Variants in NEDD4L observed in about 807,000 individuals in gnomAD.
The protein encoded by NEDD4L is E3 ubiquitin-protein ligase NEDD4-like.
A neutral mutation model predicts 148.9 loss-of-function variants in NEDD4L; 54 were observed. The ratio of observed to expected loss-of-function variants is 0.36; its 90% CI spans 0.29 to 0.45. NEDD4L has a LOEUF of 0.45. Among genes scored for constraint, NEDD4L ranks in the 20% least tolerant of loss-of-function variants. The pLI is 1.00. For synonymous variants in NEDD4L, 433 were observed against 440.7 expected, an observed-to-expected ratio of 0.98 and a Z score of 0.22; for missense variants, 856 against 1,233.8, an observed-to-expected ratio of 0.69 and a Z score of 4.59.
chr18:58,271,086 C>T (rs2050974812), intron 5 of NEDD4L, among the ~76,000 whole-genome samples: 2 of 147,358 alleles, frequency 1.4e-5, no homozygotes, highest in South Asian at 4.3e-4. Context: ...TAAATATTAG[C>T]TCTTATTATT....
intron 1 of NEDD4L, among the ~76,000 whole-genome samples, chr18:58,109,188 G>A (rs1212793275): frequency 6.6e-6 from 1 of 152,224 alleles, no homozygotes; most frequent in South Asian, 2.1e-4. Flanking sequence ...CCCTCATTGA[G>A]CTTCCAGGCA....
rs763159512 is a variant in NEDD4L, at chr18:58,366,053, G to C, written c.1888G>C (p.Glu630Gln). 1.9e-5 allele frequency: 31 copies of C among 1,613,238 alleles called. No homozygotes were observed. The highest frequency in any genetic ancestry group is 2.6e-5 in the Non-Finnish European group (31 of 1,179,542). ...ACTTCACAGAAATAACATATTTGAA[G>C]AGTCCTATCGGAGAATTATGTCCGT... is the stretch of plus-strand genomic sequence containing the variant. ...MKLHRNNIFEESYRRIMSVKR... is the reference protein window; with the variant it reads ...MKLHRNNIFEQSYRRIMSVKR... Residue 630 changes from glutamate to glutamine, a missense_variant, in exon 21 of 31, where the codon GAG (glutamate) becomes CAG (glutamine). Physicochemically the swap from Glu to Gln is conservative, Grantham distance 29 (BLOSUM62 2). Coordinates refer to ENST00000400345, the MANE Select transcript of NEDD4L (RefSeq NM_001144967.3). The surrounding 1 kb of genome is among the most constrained non-coding windows in gnomAD (Gnocchi z 4.2).
At chr18:58,239,657 A>G (rs1020935021) in intron 2 of NEDD4L, among the ~76,000 whole-genome samples, 1 of 152,244 alleles carries the variant, frequency 6.6e-6, no homozygotes, top group African/African-American at 2.4e-5. Context: ...ATTGGTCAGG[A>G]CGACTGTCCC....
At chr18:58,095,826 C>A (rs2084358409) in intron 1 of NEDD4L, among the ~76,000 whole-genome samples, 1 of 152,186 alleles carries the variant, frequency 6.6e-6, no homozygotes, top group Non-Finnish European at 1.5e-5. Context: ...CAAGCTTGTG[C>A]AACCACAAGC....
At chr18:58,121,544 A>G (rs1598929255) in intron 1 of NEDD4L, among the ~76,000 whole-genome samples, 1 of 151,798 alleles carries the variant, frequency 6.6e-6, no homozygotes, top group Non-Finnish European at 1.5e-5. Flanking sequence ...AGTTAGAACC[A>G]CAGGCGAGTT....
At chr18:58,104,230 G>A (rs907137793) in intron 1 of NEDD4L, among the ~76,000 whole-genome samples, 2 of 152,210 alleles carry the variant, frequency 1.3e-5, no homozygotes, top group African/African-American at 4.8e-5. Flanking sequence ...ATATGATAAG[G>A]TTCTATTTAT....
chr18:58,292,940 G>A (rs186129838), intron 5 of NEDD4L, among the ~76,000 whole-genome samples: 12 of 152,280 alleles, frequency 7.9e-5, no homozygotes, highest in African/African-American at 2.4e-4. Flanking sequence ...GGACAACCAC[G>A]TTGTTTTTTG....
In NEDD4L at chr18:58,358,527, T is replaced by C. The variant is rs116074526; in HGVS notation, c.1767+1275T>C. ...CTTTTCAAAATATTTTTATCACTTA[T>C]CAATTACCGGCCGTCACTCAAACAC... On this transcript the variant is annotated intron_variant, in intron 19 of 30. Coordinates refer to ENST00000400345, the MANE Select transcript of NEDD4L (RefSeq NM_001144967.3). Among the ~76,000 whole-genome samples, 607 of 152,332 alleles carry C rather than the reference T, an allele frequency of 4.0e-3. 6 individuals carry two copies. Among genetic ancestry groups the C allele is most frequent in the African/African-American group, 0.014 (587 of 41,566 alleles).
chr18:58,290,345 G>A (rs2054545527), intron 5 of NEDD4L, among the ~76,000 whole-genome samples: 1 of 152,222 alleles, frequency 6.6e-6, no homozygotes. Flanking sequence ...CATTGAACTG[G>A]ACAGTCTAAA....
intron 5 of NEDD4L, among the ~76,000 whole-genome samples, chr18:58,285,015 A>G (rs943435481): frequency 6.6e-6 from 1 of 152,222 alleles, no homozygotes; most frequent in African/African-American, 2.4e-5. Context: ...ACGTGCTCAT[A>G]AATTTCAGCA....
chr18:58,366,195 A>T lies in NEDD4L; in HGVS notation c.2030A>T (p.Asn677Ile). 1 of 1,612,038 alleles carries T rather than the reference A, an allele frequency of 6.2e-7. No homozygotes were observed. Among genetic ancestry groups the T allele is most frequent in the Non-Finnish European group, 8.5e-7 (1 of 1,178,974 alleles). Residue 677 changes from asparagine to isoleucine, a missense_variant, in exon 21 of 31, where the codon AAC (asparagine) becomes ATC (isoleucine). Transcript: ENST00000400345. This position sits in a 1 kb window ranked among gnomAD's most constrained non-coding sequence, Gnocchi z 4.2. The stretch of plus-strand genomic sequence containing the variant: ...TTCTTACTGTCCAAAGAGATGTTCA[A>T]CCCCTACTACGGCCTCTTTGAGTAC... ...WFFLLSKEMF[N>I]PYYGLFEYSA... is the part of the protein sequence containing the mutation.
chr18:58,351,000 G>A lies in NEDD4L; in HGVS notation c.1663G>A (p.Glu555Lys). Residue 555 changes from glutamate to lysine, a missense_variant, in exon 18 of 31, where the codon GAA becomes AAA. Around this residue, in one of 4 missense-constraint regions of NEDD4L, gnomAD observed 286 missense variants for 531.8 expected, o/e 0.54. Coordinates refer to ENST00000400345, the MANE Select transcript of NEDD4L (RefSeq NM_001144967.3). ...NDLGPLPPGW[E>K]ERIHLDGRTF... ...CTTCCCCGGATACTAGCCTGGCTGGGAAGAAAGAATTCACTTGGATGGCCG... is the reference window on the plus strand; with the variant it reads ...CTTCCCCGGATACTAGCCTGGCTGGAAAGAAAGAATTCACTTGGATGGCCG... 6.3e-7 allele frequency: 1 copy of A among 1,592,182 alleles called. No homozygotes were observed. Among genetic ancestry groups the A allele is most frequent in the Non-Finnish European group, 8.6e-7 (1 of 1,168,362 alleles).
chr18:58,176,648 T>C (rs1573388), intron 2 of NEDD4L, among the ~76,000 whole-genome samples: 39,904 of 152,146 alleles, frequency 0.26, 6,242 homozygotes, highest in East Asian at 0.42. Flanking sequence ...CAGGTCACTT[T>C]TCTGTACCAT....
At chr18:58,107,422 G>GA (rs1225812293) in intron 1 of NEDD4L, among the ~76,000 whole-genome samples, 3 of 151,754 alleles carry the variant, frequency 2.0e-5, no homozygotes, top group Non-Finnish European at 4.4e-5. Flanking sequence ...GGTGATTTTT[G>GA]AAAATGATTT....
At chr18:58,064,356 C>T (rs1274232147) in intron 1 of NEDD4L, among the ~76,000 whole-genome samples, 1 of 152,180 alleles carries the variant, frequency 6.6e-6, no homozygotes, top group African/African-American at 2.4e-5. Flanking sequence ...CCGTAACAAA[C>T]ATGCAAATTT....
chr18:58,112,885 G>T (rs939772702), intron 1 of NEDD4L, among the ~76,000 whole-genome samples: 7 of 152,198 alleles, frequency 4.6e-5, no homozygotes, highest in Non-Finnish European at 1.0e-4. Flanking sequence ...GGTATTAGGA[G>T]GTGGGGCCTT....
At chr18:58,317,347 T>G (rs1332300462) in intron 6 of NEDD4L, among the ~76,000 whole-genome samples, 1 of 152,196 alleles carries the variant, frequency 6.6e-6, no homozygotes, top group African/African-American at 2.4e-5. Context: ...CGCATCCTTC[T>G]ACGTTGGGAG....
intron 5 of NEDD4L, among the ~76,000 whole-genome samples, chr18:58,290,525 A>G (rs942069321): frequency 6.6e-6 from 1 of 152,214 alleles, no homozygotes; most frequent in African/African-American, 2.4e-5. Context: ...CACAAGTGGG[A>G]GAGAGTCTAA....
At chr18:58,125,166 G>A (rs903404620) in intron 1 of NEDD4L, among the ~76,000 whole-genome samples, 10 of 152,196 alleles carry the variant, frequency 6.6e-5, no homozygotes, top group African/African-American at 1.9e-4. Flanking sequence ...TATAGATTGT[G>A]GGGATTAGAG....
Sources: allele counts gnomAD v4.1 joint callset (sites outside exome capture counted in the v4.1 genomes callset), GRCh38; gene constraint gnomAD v4.1.1; regional missense constraint gnomAD v4.1.1; non-coding constraint Gnocchi (gnomAD v3.1); transcripts MANE v1.5; gene names NCBI Gene and HGNC (gene_info 2026-07-23, HGNC 2026-07-21).